Variants in NNMT observed in about 807,000 individuals in gnomAD.
NNMT encodes the protein nicotinamide N-methyltransferase.
NNMT carries 10 observed loss-of-function variants against 11.7 expected under a neutral mutation model. That is an observed-to-expected ratio of 0.85 (90% CI 0.53 to 1.45). The LOEUF is 1.45. Among genes scored for constraint, NNMT ranks in the 40% most tolerant of loss-of-function variants. The pLI is 0.00. For missense variants in NNMT, 381 were observed against 319.4 expected (o/e 1.19, Z -1.47); for synonymous variants, 143 against 133.8 (o/e 1.07, Z -0.48).
intron 1 of NNMT, among the ~76,000 whole-genome samples, chr11:114,260,302 G>A (rs540432426): frequency 5.3e-4 from 80 of 152,270 alleles, no homozygotes; most frequent in Admixed American, 1.2e-3. Context: ...TTTCTGTTGT[G>A]TGTTCCCATA....
intron 2 of NNMT, among the ~76,000 whole-genome samples, chr11:114,308,097 G>A: frequency 6.6e-6 from 1 of 152,032 alleles, no homozygotes; most frequent in East Asian, 1.9e-4. Context: ...CATAGTAGAG[G>A]TTCAAAACAT....
At position 114,298,152 on chromosome 11, in the gene NNMT, G is replaced by A. The variant is rs775077728; in HGVS notation, c.356G>A (p.Gly119Glu). 1.6e-5 allele frequency: 26 copies of A among 1,613,880 alleles called. No homozygotes were observed. The highest frequency in any genetic ancestry group is 2.7e-5 in the African/African-American group (2 of 74,904). The change falls in exon 2 of 3, where the codon GGG (glycine) becomes GAG (glutamate). Residue 119 changes from glycine (G) to glutamate (E), a missense_variant. Physicochemically the swap from Gly to Glu is moderately conservative, Grantham distance 98 (BLOSUM62 -2). Transcript: ENST00000299964. ...PVVTYVCDLE[G>E]NRVKGPEKEE... ...GTGACCTATGTGTGTGATCTTGAAG[G>A]GAACAGGTAGAGAAACTGGTGTCTA... is the stretch of plus-strand genomic sequence containing the variant.
intron 2 of NNMT, among the ~76,000 whole-genome samples, chr11:114,287,160 A>T (rs1162532613): frequency 6.6e-6 from 1 of 152,102 alleles, no homozygotes; most frequent in African/African-American, 2.4e-5. Flanking sequence ...TGTCAGTTTC[A>T]TGTGTTGTAG....
chr11:114,280,362 G>A (rs1384230888), intron 2 of NNMT, among the ~76,000 whole-genome samples: 3 of 151,954 alleles, frequency 2.0e-5, no homozygotes, highest in African/African-American at 4.8e-5. Context: ...TGTGTGAGCC[G>A]GGAGCCCCTA....
intron 2 of NNMT, among the ~76,000 whole-genome samples, chr11:114,272,562 T>C (rs1945178060): frequency 6.6e-6 from 1 of 152,136 alleles, no homozygotes; most frequent in Admixed American, 6.5e-5. Flanking sequence ...GTCTCTGAGG[T>C]TTCTGAGGTC....
At chr11:114,299,026 G>C (rs1048476328) in intron 2 of NNMT, among the ~76,000 whole-genome samples, 1 of 152,154 alleles carries the variant, frequency 6.6e-6, no homozygotes, top group South Asian at 2.1e-4. Context: ...AGACTTCTTT[G>C]CAAGCTGCAT....
chr11:114,300,239 G>T (rs1161556551), intron 2 of NNMT, among the ~76,000 whole-genome samples: 1 of 152,000 alleles, frequency 6.6e-6, no homozygotes, highest in African/African-American at 2.4e-5. Flanking sequence ...TGCATCCCAT[G>T]ATTCTTGTAT....
chr11:114,271,224 A>G (rs891189758), intron 2 of NNMT, among the ~76,000 whole-genome samples: 1 of 152,188 alleles, frequency 6.6e-6, no homozygotes. Context: ...GGAGAGGGAA[A>G]TTTGTTTTAA....
chr11:114,289,981 T>G (rs1441660528), intron 2 of NNMT, among the ~76,000 whole-genome samples: 1 of 152,234 alleles, frequency 6.6e-6, no homozygotes, highest in Non-Finnish European at 1.5e-5. Context: ...TTTCTCACCG[T>G]GTCCTCATGT....
Position 114,259,335 on chromosome 11 carries a change from G to A in NNMT, c.-217+1457G>A, listed in dbSNP as rs990480496. ...CTCCCCAGGACACGTGTACACACAC[G>A]CAGAGGCCCAGTGGGGGGGGGGGAG... On this transcript the variant is annotated intron_variant, in intron 1 of 4. Transcript: ENST00000535401. Among the ~76,000 whole-genome samples, 6 of 142,982 alleles carry A rather than the reference G, an allele frequency of 4.2e-5. No homozygotes were observed. In the East Asian group the frequency reaches 6.2e-4, roughly 15 times the overall value. 93.8% of individuals were successfully genotyped at this position (142,982 alleles called of 152,430 possible).
At chr11:114,258,800 G>A (rs906456040) in intron 1 of NNMT, among the ~76,000 whole-genome samples, 1 of 152,262 alleles carries the variant, frequency 6.6e-6, no homozygotes, top group Non-Finnish European at 1.5e-5. Context: ...GAGCCCCTCG[G>A]CCAACCCCTA....
intron 2 of NNMT, among the ~76,000 whole-genome samples, chr11:114,310,001 T>C (rs1321891454): frequency 6.6e-6 from 1 of 152,250 alleles, no homozygotes; most frequent in South Asian, 2.1e-4. Flanking sequence ...TATATGTATA[T>C]ATCACATTTT....
In NNMT at chr11:114,296,595, C is replaced by G. The variant is rs1945380562; in HGVS notation, c.39C>G (p.Ser13Arg). The change falls in exon 1 of 3, where the codon AGC (serine) becomes AGG (arginine). Residue 13 changes from serine to arginine, a missense_variant. Coordinates refer to ENST00000299964, the MANE Select transcript of NNMT (RefSeq NM_006169.3). ...TCACCTCCAAGGACACCTATCTAAG[C>G]CATTTTAACCCTCGGGATTACCTAG... ...SGFTSKDTYLSHFNPRDYLEK... is the reference protein window; with the variant it reads ...SGFTSKDTYLRHFNPRDYLEK... 2 of 1,613,964 alleles carry G rather than the reference C, an allele frequency of 1.2e-6. No homozygotes were observed. The highest frequency in any genetic ancestry group is 2.7e-5 in the African/African-American group (2 of 74,914).
chr11:114,287,253 A>C (rs1945306416), intron 2 of NNMT, among the ~76,000 whole-genome samples: 1 of 152,174 alleles, frequency 6.6e-6, no homozygotes, highest in African/African-American at 2.4e-5. Flanking sequence ...GTAATATACT[A>C]GCATTTACAA....
At chr11:114,284,342 C>T (rs1945281297) in intron 2 of NNMT, among the ~76,000 whole-genome samples, 1 of 152,204 alleles carries the variant, frequency 6.6e-6, no homozygotes, top group Non-Finnish European at 1.5e-5. Context: ...GTAGGTCAGG[C>T]CTGGACACCT....
At chr11:114,293,643 T>C (rs181421879), upstream of NNMT, among the ~76,000 whole-genome samples, 377 of 151,278 alleles carry the variant, frequency 2.5e-3, 1 homozygote, top group Non-Finnish European at 3.7e-3. Flanking sequence ...CAATAACAAA[T>C]GCTGGCAAGG....
intron 1 of NNMT, among the ~76,000 whole-genome samples, chr11:114,261,918 G>A (rs558441343): frequency 3.9e-5 from 6 of 152,268 alleles, no homozygotes; most frequent in African/African-American, 1.4e-4. Context: ...TTGCACTGAG[G>A]GAAGATCAAC....
In NNMT at chr11:114,312,560, G is replaced by A; in HGVS notation, c.*83G>A. On this transcript the variant is annotated 3_prime_UTR_variant, in exon 3 of 3. Transcript: ENST00000299964. ...GTTTCTAACTGCCAAGTCATGTGCT[G>A]AGTAGAGGCTCAGTGGTTGGGGCCC... 1 of 1,376,472 alleles carries A rather than the reference G, an allele frequency of 7.3e-7. No individual in the cohort carries two copies. The highest frequency in any genetic ancestry group is 1.0e-6 in the Non-Finnish European group (1 of 999,794). The allele number at this position is 1,376,472 out of a possible 1,614,324, so 85.3% of individuals were successfully genotyped here. A position where few individuals can be genotyped will look rare whatever the true frequency, so the allele number is the denominator to read the frequency against.
At chr11:114,286,030 G>C (rs559180189) in intron 2 of NNMT, among the ~76,000 whole-genome samples, 109 of 152,312 alleles carry the variant, frequency 7.2e-4, no homozygotes, top group African/African-American at 2.5e-3. Flanking sequence ...GAAAGCTTCA[G>C]CTGCAGTTTC....
Sources: allele counts gnomAD v4.1 joint callset (sites outside exome capture counted in the v4.1 genomes callset), GRCh38; gene constraint gnomAD v4.1.1; transcripts MANE v1.5; gene names NCBI Gene and HGNC (gene_info 2026-07-23, HGNC 2026-07-21).